SV2C: variants seen among roughly 807,000 people sequenced by gnomAD.
SV2C encodes the protein solute carrier family 22 member B3.
In SV2C, 49 loss-of-function variants were observed where a neutral mutation model predicts 79.7. The ratio of observed to expected loss-of-function variants is 0.61; its 90% confidence interval spans 0.49 to 0.78. The LOEUF (loss-of-function observed/expected upper bound fraction) is 0.78, where lower values mean the gene tolerates loss of function less well. Ranked by LOEUF, SV2C falls within the 30% of genes least tolerant of loss-of-function variation. The probability of loss-of-function intolerance (pLI) is 0.00; values close to 1 mark genes in which losing one functional copy is unlikely to be tolerated. For synonymous variants in SV2C, 334 were observed against 333.2 expected (o/e 1.00, Z -0.03); for missense variants, 833 against 912.9 (o/e 0.91, Z 1.13).
chr5:76,131,965 A>G lies in SV2C; in HGVS notation c.215A>G (p.Asp72Gly), dbSNP rs772811760. ...ACCTATAATGGTGAGGCCAACGATG[A>G]CGAAGGCTCAAGTGAAGCCACTGAG... is the stretch of plus-strand genomic sequence containing the variant. ...GETYNGEAND[D>G]EGSSEATEGH... The change falls in exon 2 of 13, where the codon GAC becomes GGC. Residue 72 changes from aspartate to glycine, a missense_variant. Asp to Gly is a moderately conservative substitution (Grantham distance 94). Transcript: ENST00000502798. The G allele has an allele frequency of 6.2e-6, 10 of 1,613,900 alleles. No homozygotes were observed. The highest frequency in any genetic ancestry group is 1.7e-5 in the Admixed American group (1 of 59,982).
chr5:76,048,752 G>T, the SV2C span, among the ~76,000 whole-genome samples: 1 of 150,720 alleles, frequency 6.6e-6, no homozygotes, highest in African/African-American at 2.4e-5. Flanking sequence ...ACATGTACAA[G>T]CTGAGAGGAG....
At chr5:76,236,548 T>C (rs980600058) in intron 4 of SV2C, among the ~76,000 whole-genome samples, 9 of 146,876 alleles carry the variant, frequency 6.1e-5, no homozygotes, top group Non-Finnish European at 1.3e-4. Context: ...GGCAACAGAA[T>C]GAGACCCTGT....
the SV2C span, among the ~76,000 whole-genome samples, chr5:75,920,042 G>C: frequency 2.6e-5 from 4 of 152,290 alleles, no homozygotes; most frequent in Middle Eastern, 6.8e-3. Flanking sequence ...AACATAGGTG[G>C]GTGGTAGAGA....
the SV2C span, among the ~76,000 whole-genome samples, chr5:75,989,309 C>T: frequency 4.6e-5 from 7 of 151,196 alleles, no homozygotes; most frequent in African/African-American, 1.5e-4. Flanking sequence ...CTCCTCCCCT[C>T]GACTCTGTGA....
chr5:76,248,479 C>A (rs566875250), intron 4 of SV2C, among the ~76,000 whole-genome samples: 69 of 152,260 alleles, frequency 4.5e-4, no homozygotes, highest in Non-Finnish European at 8.5e-4. Context: ...AGCTTAATTG[C>A]CTCTTTAAAA....
the SV2C span, among the ~76,000 whole-genome samples, chr5:76,030,289 T>TTTTTTTTTTTATTTATTTATTTATTTA: frequency 3.4e-5 from 4 of 117,874 alleles, no homozygotes; most frequent in African/African-American, 1.6e-4. Flanking sequence ...TTTTTTTTTT[T>TTTTTTTTTTTATTTATTTATTTATTTA]TTTATTTATT....
At chr5:76,313,711 G>C (rs750870240) in intron 12 of SV2C, among the ~76,000 whole-genome samples, 2 of 152,166 alleles carry the variant, frequency 1.3e-5, no homozygotes, top group African/African-American at 4.8e-5. Flanking sequence ...GGGGGCTCTA[G>C]AATCTGGAGT....
the SV2C span, among the ~76,000 whole-genome samples, chr5:75,854,528 C>T: frequency 6.6e-6 from 1 of 152,042 alleles, no homozygotes; most frequent in Non-Finnish European, 1.5e-5. Context: ...TTGTGATGTG[C>T]CTCTTTAAAT....
intron 4 of SV2C, among the ~76,000 whole-genome samples, chr5:76,238,886 C>T (rs1164590477): frequency 1.3e-5 from 2 of 152,152 alleles, no homozygotes; most frequent in Non-Finnish European, 2.9e-5. Context: ...GATTGATTTA[C>T]CCAAGTCCAG....
At chr5:76,041,022 C>T in the SV2C span, among the ~76,000 whole-genome samples, 3 of 152,142 alleles carry the variant, frequency 2.0e-5, no homozygotes, top group East Asian at 5.8e-4. Context: ...GCAGAGTAAT[C>T]AGTGAGTTGA....
At chr5:76,272,549 G>T (rs1043247248) in intron 4 of SV2C, among the ~76,000 whole-genome samples, 1 of 152,226 alleles carries the variant, frequency 6.6e-6, no homozygotes, top group Non-Finnish European at 1.5e-5. Context: ...TTTGCTGCAA[G>T]TCCTCTATCA....
chr5:75,967,149 C>A, the SV2C span, among the ~76,000 whole-genome samples: 2 of 152,204 alleles, frequency 1.3e-5, no homozygotes, highest in Admixed American at 6.5e-5. Context: ...GCCTGAGCAA[C>A]ATGGTGAGAC....
intron 1 of SV2C, among the ~76,000 whole-genome samples, chr5:76,099,826 C>T (rs370115434): frequency 6.6e-6 from 1 of 152,286 alleles, no homozygotes; most frequent in South Asian, 2.1e-4. Flanking sequence ...TTCTCATCCA[C>T]CATTTCAAGT....
At chr5:76,102,088 C>T (rs948560918) in intron 1 of SV2C, among the ~76,000 whole-genome samples, 6 of 150,880 alleles carry the variant, frequency 4.0e-5, no homozygotes, top group Non-Finnish European at 8.8e-5. Context: ...ACCTGAATGA[C>T]CTTTGTAAAA....
At chr5:76,094,566 C>G (rs991311567) in intron 1 of SV2C, among the ~76,000 whole-genome samples, 1 of 151,976 alleles carries the variant, frequency 6.6e-6, no homozygotes. Context: ...CTCTGTTTAT[C>G]TGTTGGTAGA....
the SV2C span, among the ~76,000 whole-genome samples, chr5:75,921,864 C>A: frequency 6.6e-6 from 1 of 151,566 alleles, no homozygotes. Flanking sequence ...GATCCAATAT[C>A]ATCAATTTGT....
the SV2C span, among the ~76,000 whole-genome samples, chr5:76,047,361 G>T: frequency 6.6e-6 from 1 of 152,130 alleles, no homozygotes; most frequent in African/African-American, 2.4e-5. Context: ...CACATAGTAT[G>T]TATTATTTTG....
chr5:75,942,024 C>T, the SV2C span, among the ~76,000 whole-genome samples: 1 of 152,158 alleles, frequency 6.6e-6, no homozygotes, highest in Admixed American at 6.5e-5. Flanking sequence ...ACATGGTTGT[C>T]AATCATGTCT....
At chr5:76,007,006 T>G in the SV2C span, among the ~76,000 whole-genome samples, 2 of 152,026 alleles carry the variant, frequency 1.3e-5, no homozygotes, top group Admixed American at 1.3e-4. Context: ...CACAACAACT[T>G]CACAGTGTAA....
Sources: allele counts gnomAD v4.1 joint callset (sites outside exome capture counted in the v4.1 genomes callset), GRCh38; gene constraint gnomAD v4.1.1; transcripts MANE v1.5; gene names NCBI Gene and HGNC (gene_info 2026-07-23, HGNC 2026-07-21).